Variants in RPS6KC1 observed in about 807,000 individuals in gnomAD.
RPS6KC1 encodes ribosomal protein S6 kinase C1.
A neutral mutation model predicts 103.8 loss-of-function variants in RPS6KC1; 54 were observed. That is an observed-to-expected ratio of 0.52 (90% CI 0.42 to 0.65). RPS6KC1 has a LOEUF of 0.65. Ranked by LOEUF, RPS6KC1 falls within the 30% of genes least tolerant of loss-of-function variation. The pLI is 0.00. For missense variants in RPS6KC1, 1,151 were observed against 1,253.8 expected, an observed-to-expected ratio of 0.92 and a Z score of 1.24; for synonymous variants, 439 against 438.7, an observed-to-expected ratio of 1.00 and a Z score of -0.01.
chr1:213,269,687 A>G (rs1201028493), intron 14 of RPS6KC1, among the ~76,000 whole-genome samples: 3 of 152,130 alleles, frequency 2.0e-5, no homozygotes, highest in Non-Finnish European at 4.4e-5. Context: ...GTATACTTCT[A>G]AGTTTAAATG....
the RPS6KC1 span, among the ~76,000 whole-genome samples, chr1:213,779,956 A>G: frequency 6.6e-6 from 1 of 152,206 alleles, no homozygotes; most frequent in Non-Finnish European, 1.5e-5. Context: ...GTGTGATCTG[A>G]GTACTTGTCT....
chr1:213,142,861 G>A (rs891536439), intron 6 of RPS6KC1, among the ~76,000 whole-genome samples: 2 of 152,078 alleles, frequency 1.3e-5, no homozygotes, highest in Non-Finnish European at 2.9e-5. Flanking sequence ...TATGAATGGT[G>A]TAAACGTAAT....
intron 8 of RPS6KC1, among the ~76,000 whole-genome samples, chr1:213,203,678 C>A (rs929068446): frequency 6.6e-6 from 1 of 151,966 alleles, no homozygotes. Context: ...ATAGAAAAAT[C>A]AAACAATAAG....
At chr1:213,385,267 G>A in the RPS6KC1 span, among the ~76,000 whole-genome samples, 1 of 152,218 alleles carries the variant, frequency 6.6e-6, no homozygotes, top group African/African-American at 2.4e-5. Flanking sequence ...AGTGTTTGCA[G>A]GAGAAGGTTG....
chr1:213,299,168 G>A, the RPS6KC1 span, among the ~76,000 whole-genome samples: 1 of 152,088 alleles, frequency 6.6e-6, no homozygotes, highest in African/African-American at 2.4e-5. Flanking sequence ...AGCAAGAGCC[G>A]AGTGAAAGCT....
chr1:213,456,936 T>G, the RPS6KC1 span, among the ~76,000 whole-genome samples: 1 of 152,178 alleles, frequency 6.6e-6, no homozygotes, highest in African/African-American at 2.4e-5. Context: ...TCAATATTTT[T>G]GGGGGGTTTC....
the RPS6KC1 span, among the ~76,000 whole-genome samples, chr1:213,807,381 A>G: frequency 1.3e-5 from 2 of 152,194 alleles, no homozygotes; most frequent in African/African-American, 2.4e-5. Flanking sequence ...GTGTTTTCCA[A>G]CTTGGTTCCA....
the RPS6KC1 span, among the ~76,000 whole-genome samples, chr1:213,496,216 A>G: frequency 6.6e-6 from 1 of 152,350 alleles, no homozygotes; most frequent in African/African-American, 2.4e-5. Flanking sequence ...AAAGCAAAAA[A>G]TGTCAGACCA....
the RPS6KC1 span, among the ~76,000 whole-genome samples, chr1:213,453,124 T>C: frequency 2.0e-4 from 30 of 152,068 alleles, no homozygotes; most frequent in Admixed American, 1.2e-3. Flanking sequence ...TCTCATCCAC[T>C]GAAAGCATCT....
At chr1:213,601,684 T>C in the RPS6KC1 span, among the ~76,000 whole-genome samples, 2 of 151,864 alleles carry the variant, frequency 1.3e-5, no homozygotes, top group African/African-American at 4.8e-5. Flanking sequence ...ACAAACTTAA[T>C]GGTGTCTGAA....
At chr1:213,516,021 G>T in the RPS6KC1 span, among the ~76,000 whole-genome samples, 2 of 152,114 alleles carry the variant, frequency 1.3e-5, no homozygotes, top group Non-Finnish European at 2.9e-5. Flanking sequence ...TCATGATTTG[G>T]CTCTCTGTTT....
the RPS6KC1 span, among the ~76,000 whole-genome samples, chr1:213,723,117 T>C: frequency 2.2e-4 from 34 of 152,208 alleles, no homozygotes; most frequent in South Asian, 7.1e-3. Flanking sequence ...GAGGCAGAGA[T>C]TGCAGTGAGC....
the RPS6KC1 span, among the ~76,000 whole-genome samples, chr1:213,402,547 C>T: frequency 6.6e-6 from 1 of 152,108 alleles, no homozygotes; most frequent in East Asian, 1.9e-4. Flanking sequence ...TGAGATCTAA[C>T]TTTTCACAGG....
the RPS6KC1 span, among the ~76,000 whole-genome samples, chr1:213,382,086 G>A: frequency 2.6e-5 from 4 of 152,178 alleles, no homozygotes; most frequent in South Asian, 2.1e-4. Context: ...TTTCCCTTCC[G>A]TGTTGGCTCT....
chr1:213,206,812 G>T (rs1343884386), intron 8 of RPS6KC1, among the ~76,000 whole-genome samples: 1 of 151,906 alleles, frequency 6.6e-6, no homozygotes, highest in South Asian at 2.1e-4. Flanking sequence ...TTCTCTTGGG[G>T]TTCATATAGT....
the RPS6KC1 span, among the ~76,000 whole-genome samples, chr1:213,808,035 G>T: frequency 6.6e-6 from 1 of 152,190 alleles, no homozygotes. Context: ...GTTTGCTAGA[G>T]GTCCACTCCA....
chr1:213,637,806 T>TTTTTG, the RPS6KC1 span, among the ~76,000 whole-genome samples: 5 of 152,032 alleles, frequency 3.3e-5, no homozygotes, highest in Non-Finnish European at 4.4e-5. Context: ...TCATTATGGC[T>TTTTTG]TTTTGTTTTG....
chr1:213,469,298 C>A, the RPS6KC1 span, among the ~76,000 whole-genome samples: 1 of 152,124 alleles, frequency 6.6e-6, no homozygotes, highest in East Asian at 1.9e-4. Flanking sequence ...CAAGTTATTT[C>A]AAAAGTTACT....
At chr1:213,781,332 T>C in the RPS6KC1 span, among the ~76,000 whole-genome samples, 1 of 152,076 alleles carries the variant, frequency 6.6e-6, no homozygotes. Context: ...ATTTATGTGC[T>C]GGGAAGATGA....
Sources: gnomAD v4.1 joint callset for allele counts (sites outside exome capture counted in the v4.1 genomes callset) on GRCh38, gnomAD v4.1.1 for gene constraint, MANE v1.5 for transcripts, NCBI Gene and HGNC (gene_info 2026-07-23, HGNC 2026-07-21) for gene names.